POGLUT1: variants seen among roughly 807,000 people sequenced by gnomAD.
POGLUT1 encodes protein O-glucosyltransferase 1.
Under a neutral mutation model 61.3 loss-of-function variants are expected in POGLUT1, and 32 were observed. The observed-to-expected ratio is 0.52, with a 90% CI of 0.39 to 0.70. The LOEUF is 0.70. Among genes scored for constraint, POGLUT1 ranks in the 30% least tolerant of loss-of-function variants. The probability of loss-of-function intolerance (pLI) is 0.00; values close to 1 mark genes in which losing one functional copy is unlikely to be tolerated. For missense variants in POGLUT1, 411 were observed against 469.8 expected (o/e 0.87, Z 1.16); for synonymous variants, 158 against 158.2 (o/e 1.00, Z 0.01).
chr3:119,488,943 G>C lies in POGLUT1; in HGVS notation c.753G>C (p.Lys251Asn), dbSNP rs2081705560. The part of the protein sequence containing the change: ...AWKSMKDTLG[K>N]PAAKDVHLVD... ...TCCACTTAAAGGATACCTTAGGAAA[G>C]CCAGCTGCTAAGGATGTCCATCTTG... Residue 251 changes from lysine (K) to asparagine (N), a missense_variant, in exon 8 of 11, where the codon AAG becomes AAC. Coordinates refer to ENST00000295588, the MANE Select transcript of POGLUT1 (RefSeq NM_152305.3). 1 of 1,591,132 alleles carries C rather than the reference G, an allele frequency of 6.3e-7. No homozygotes were observed. Among genetic ancestry groups the C allele is most frequent in the Non-Finnish European group, 8.6e-7 (1 of 1,160,844 alleles).
At position 119,469,435 on chromosome 3, in the gene POGLUT1, G is replaced by C. The variant is rs548530347; in HGVS notation, c.85+329G>C. Among the ~76,000 whole-genome samples the C allele has an allele frequency of 3.9e-5, 6 of 152,390 alleles. No homozygotes were observed. In the South Asian group the frequency reaches 1.2e-3, roughly 32 times the overall value. On this transcript the variant is annotated intron_variant, in intron 1 of 10. Coordinates refer to ENST00000295588, the MANE Select transcript of POGLUT1 (RefSeq NM_152305.3). ...GGGGTCGGGGATGGGGGCAAATGTCGTGCGCGCGAGCGTGTGTGTATATGC... is the reference window on the plus strand; with the variant it reads ...GGGGTCGGGGATGGGGGCAAATGTCCTGCGCGCGAGCGTGTGTGTATATGC...
chr3:119,492,057 A>AAATAAAT (rs2081754538), intron 10 of POGLUT1, among the ~76,000 whole-genome samples: 2 of 150,386 alleles, frequency 1.3e-5, no homozygotes, highest in East Asian at 2.0e-4. Context: ...TCCGTCTCAA[A>AAATAAAT]AAATAAATAA....
At chr3:119,473,753 C>T (rs993619885) in intron 3 of POGLUT1, among the ~76,000 whole-genome samples, 11 of 150,082 alleles carry the variant, frequency 7.3e-5, no homozygotes, top group Admixed American at 2.7e-4. Context: ...CTCTGCCTCC[C>T]GGGTTCAAGC....
Position 119,492,468 on chromosome 3 carries a change from TG to T in POGLUT1, c.*32del. The T allele has an allele frequency of 6.9e-7, 1 of 1,446,768 alleles. No individual in the cohort carries two copies. Among genetic ancestry groups the T allele is most frequent in the Non-Finnish European group, 9.4e-7 (1 of 1,065,236 alleles). The allele number at this position is 1,446,768 out of a possible 1,614,324, so 89.6% of individuals were successfully genotyped here. A position where few individuals can be genotyped will look rare whatever the true frequency, so the allele number is the denominator to read the frequency against. ...CATCATAGGACCATAGTCCTCTTTG[TG>T]GCAACAGATCTCAGATATCCTACGG... On this transcript the variant is annotated 3_prime_UTR_variant, in exon 11 of 11. Transcript: ENST00000295588.
At position 119,494,034 on chromosome 3, in the gene POGLUT1, TC is replaced by T. The variant is rs777836221; in HGVS notation, c.*1599del. ...TTAGATTAGGAGCTGAAGATTCATTTCCCTGGGAATGTTTCCCATTTAGCTT... is the reference window on the plus strand; with the variant it reads ...TTAGATTAGGAGCTGAAGATTCATTTCCTGGGAATGTTTCCCATTTAGCTT... On this transcript the variant is annotated 3_prime_UTR_variant, in exon 11 of 11. Coordinates refer to ENST00000295588, the MANE Select transcript of POGLUT1 (RefSeq NM_152305.3). 9.2e-5 allele frequency: 14 copies of T among 152,176 alleles called. No homozygotes were observed. Among genetic ancestry groups the T allele is most frequent in the Non-Finnish European group, 1.6e-4 (11 of 68,016 alleles). The allele number at this position is 152,176 out of a possible 1,614,324, so 9.4% of individuals were successfully genotyped here. A position where few individuals can be genotyped will look rare whatever the true frequency, so the allele number is the denominator to read the frequency against.
chr3:119,479,293 C>T (rs893290567), intron 4 of POGLUT1, among the ~76,000 whole-genome samples: 1 of 152,146 alleles, frequency 6.6e-6, no homozygotes, highest in Non-Finnish European at 1.5e-5. Context: ...ATACTTCTGA[C>T]CCCGATCAGT....
In POGLUT1 at chr3:119,494,583, TTTG is replaced by T. The variant is rs1445294598; in HGVS notation, c.*2154_*2156del. ...TTCCCCACAACTTTTGAAGGTTTTA[TTTG>T]TTGTTGTTATTACTAGTTCAGTCCC... On this transcript the variant is annotated 3_prime_UTR_variant, in exon 11 of 11. Coordinates refer to ENST00000295588, the MANE Select transcript of POGLUT1 (RefSeq NM_152305.3). The T allele has an allele frequency of 1.3e-5, 2 of 152,698 alleles. No homozygotes were observed. The highest frequency in any genetic ancestry group is 6.5e-5 in the Admixed American group (1 of 15,288). The allele number at this position is 152,698 out of a possible 1,614,324, so 9.5% of individuals were successfully genotyped here.
At chr3:119,470,003 G>A (rs1349070883) in intron 2 of POGLUT1, 93 bp downstream of exon 2, 1 of 762,354 alleles carries the variant, frequency 1.3e-6, no homozygotes, top group Non-Finnish European at 2.3e-6. Flanking sequence ...GCAGTGGTCA[G>A]AAAGGCAAGG....
chr3:119,490,741 A>G, intron 9 of POGLUT1, 23 bp downstream of exon 9: 2 of 1,604,566 alleles, frequency 1.2e-6, no homozygotes, highest in Non-Finnish European at 1.7e-6. Flanking sequence ...CCCCCAATGC[A>G]GAGTTTCTAA....
Position 119,479,104 on chromosome 3 carries a change from T to C in POGLUT1, c.457-947T>C, listed in dbSNP as rs1020018808. Among the ~76,000 whole-genome samples the C allele has an allele frequency of 5.3e-5, 8 of 152,092 alleles. 1 individual carries two copies. In the East Asian group the frequency reaches 1.2e-3, roughly 22 times the overall value. On this transcript the variant is annotated intron_variant, in intron 4 of 10. Transcript: ENST00000295588. Reference sequence around the variant, plus strand: ...ATGCCCGGCTATTATTTTGTGTGTATTTTTTAGTAGAGACAGGGTTTCACC... The same window carrying C: ...ATGCCCGGCTATTATTTTGTGTGTACTTTTTAGTAGAGACAGGGTTTCACC...
At chr3:119,475,995 A>ACACACAC (rs1560031865) in intron 3 of POGLUT1, among the ~76,000 whole-genome samples, 5 of 30,728 alleles carry the variant, frequency 1.6e-4, no homozygotes, top group African/African-American at 9.0e-4. Flanking sequence ...CACACACACA[A>ACACACAC]ACACATACAG....
chr3:119,469,242 G>A, intron 1 of POGLUT1, 136 bp downstream of exon 1: 1 of 686,968 alleles, frequency 1.5e-6, no homozygotes, highest in Non-Finnish European at 2.5e-6. Flanking sequence ...AGGCACCGGG[G>A]CGCCTTGCGG....
At chr3:119,484,228 T>C (rs2081638868) in intron 5 of POGLUT1, among the ~76,000 whole-genome samples, 1 of 152,172 alleles carries the variant, frequency 6.6e-6, no homozygotes, top group Non-Finnish European at 1.5e-5. Flanking sequence ...CGTTCTCAGC[T>C]GAGTGAAAAT....
intron 3 of POGLUT1, chr3:119,471,844 G>A (rs2081477433): frequency 7.9e-6 from 2 of 254,194 alleles, no homozygotes; most frequent in South Asian, 8.3e-5. Context: ...ATATTCAAGG[G>A]GAGGTGGTAG....
chr3:119,469,733 T>C (rs1207691097), intron 1 of POGLUT1, 87 bp from the exon 2 acceptor site: 3 of 695,178 alleles, frequency 4.3e-6, no homozygotes, highest in Non-Finnish European at 7.7e-6. Flanking sequence ...CTGAAAGTTT[T>C]GGTCTTCTGT....
rs1447176356 is a variant in POGLUT1, at chr3:119,485,314, T to C, written c.579-14T>C. The C allele has an allele frequency of 2.0e-6, 3 of 1,537,014 alleles. No individual in the cohort carries two copies. The highest frequency in any genetic ancestry group is 4.5e-5 in the East Asian group (2 of 44,524). On this transcript the variant is annotated splice_polypyrimidine_tract_variant and intron_variant, in intron 5 of 10. Transcript: ENST00000295588. ...AAAAGATATATTGAAACTAATTAAATTCTATATTCTTAGGTCAGCAGCACA... is the reference window on the plus strand; with the variant it reads ...AAAAGATATATTGAAACTAATTAAACTCTATATTCTTAGGTCAGCAGCACA...
intron 5 of POGLUT1, among the ~76,000 whole-genome samples, chr3:119,483,368 C>G (rs952507350): frequency 6.6e-6 from 1 of 152,112 alleles, no homozygotes; most frequent in Non-Finnish European, 1.5e-5. Flanking sequence ...AATGGAATAT[C>G]GTGCATGAAT....
chr3:119,477,122 T>C (rs1188096960), intron 3 of POGLUT1, among the ~76,000 whole-genome samples, 191 bp from the exon 4 acceptor site: 1 of 152,192 alleles, frequency 6.6e-6, no homozygotes, highest in African/African-American at 2.4e-5. Context: ...TAGCTATGAG[T>C]GAACTTGCAC....
intron 2 of POGLUT1, 88 bp downstream of exon 2, chr3:119,469,998 G>T: frequency 1.3e-6 from 1 of 787,198 alleles, no homozygotes; most frequent in South Asian, 1.5e-5. Context: ...TGGTTGCAGT[G>T]GTCAGAAAGG....
Sources: gnomAD v4.1 joint callset for allele counts (sites outside exome capture counted in the v4.1 genomes callset) on GRCh38, gnomAD v4.1.1 for gene constraint, MANE v1.5 for transcripts, NCBI Gene and HGNC (gene_info 2026-07-23, HGNC 2026-07-21) for gene names.